HERC2: variants seen among roughly 807,000 people sequenced by gnomAD.
HERC2 encodes the protein E3 ubiquitin-protein ligase HERC2.
Under a neutral mutation model 537.7 loss-of-function variants are expected in HERC2, and 102 were observed. The observed-to-expected ratio is 0.19, with a 90% CI of 0.16 to 0.22. The LOEUF is 0.22. Ranked by LOEUF, HERC2 falls within the 10% of genes least tolerant of loss-of-function variation. HERC2 has a pLI of 1.00. For synonymous variants in HERC2, 2,224 were observed against 2,466.2 expected (o/e 0.90, Z 2.91); for missense variants, 4,236 against 6,198.2 (o/e 0.68, Z 10.63).
intron 44 of HERC2, among the ~76,000 whole-genome samples, chr15:28,209,183 C>A (rs181346369): frequency 6.6e-6 from 1 of 152,092 alleles, no homozygotes; most frequent in Non-Finnish European, 1.5e-5. Flanking sequence ...CATATTTCCA[C>A]GGCAATAAAC....
At chr15:28,166,325 T>C (rs1169946867) in intron 68 of HERC2, among the ~76,000 whole-genome samples, 2 of 151,946 alleles carry the variant, frequency 1.3e-5, no homozygotes, top group Non-Finnish European at 2.9e-5. Flanking sequence ...CAAAAAAATA[T>C]GGAAAAAGGG....
intron 48 of HERC2, 88 bp downstream of exon 48, chr15:28,201,368 T>C (rs1897887777): frequency 5.8e-6 from 5 of 860,806 alleles, no homozygotes; most frequent in Non-Finnish European, 9.9e-6. Flanking sequence ...CAGGGGCCTC[T>C]GTCCACTGAT....
At position 28,257,091 on chromosome 15, in the gene HERC2, G is replaced by A. The variant is rs768763663; in HGVS notation, c.2487C>T (p.Ala829=). ...WPPPQEKECV[A]VATLNLLRLQ... ...GTCGTAGAAGATTCAGCGTTGCCAC[G>A]GCCACACACTCTTTCTCCTGGGGCG... is the stretch of plus-strand genomic sequence containing the variant. The change falls in exon 17 of 93, where the codon GCC becomes GCT. Residue 829 remains alanine (A), a synonymous_variant. Coordinates refer to ENST00000261609, the MANE Select transcript of HERC2 (RefSeq NM_004667.6). 81 of 1,613,532 alleles carry A rather than the reference G, an allele frequency of 5.0e-5. No individual in the cohort carries two copies. The highest frequency in any genetic ancestry group is 4.9e-4 in the Middle Eastern group (3 of 6,076).
rs766617714 is a variant in HERC2, at chr15:28,117,130, C to T, written c.13297G>A (p.Gly4433Arg). Residue 4433 changes from glycine (G) to arginine (R), a missense_variant, in exon 87 of 93, where the codon GGG becomes AGG. This residue lies in a region of HERC2 where 29 missense variants were observed against 102.1 expected (regional missense o/e 0.28). Transcript: ENST00000261609. ...IQVKRSRSKG[G>R]LAGPDGTKSV... ...TTGGTGCCGTCGGGGCCGGCCAGCC[C>T]GCCTTTGCTCCTTGATCGTTTGACC... is the stretch of plus-strand genomic sequence containing the variant. 7 of 1,613,984 alleles carry T rather than the reference C, an allele frequency of 4.3e-6. No homozygotes were observed. The highest frequency in any genetic ancestry group is 5.9e-6 in the Non-Finnish European group (7 of 1,179,984).
chr15:28,188,230 G>A (rs561558423), intron 55 of HERC2, among the ~76,000 whole-genome samples: 26 of 152,278 alleles, frequency 1.7e-4, no homozygotes, highest in African/African-American at 6.3e-4. Context: ...GACACTGACT[G>A]AATATTATAT....
chr15:28,113,149 A>G lies in HERC2; in HGVS notation c.14154T>C (p.Leu4718=), dbSNP rs551730725. Residue 4718 remains leucine (L), a synonymous_variant, in exon 92 of 93, where the codon CTT becomes CTC. Transcript: ENST00000261609. This position sits in a 1 kb window ranked among gnomAD's most constrained non-coding sequence, Gnocchi z 7.0. Reference sequence around the variant, plus strand: ...TCCGGCCCCAGACGAAGCGAAGGAAAAGAGAGCGCTCTGTGTTGGAGAAGG... The same window carrying G: ...TCCGGCCCCAGACGAAGCGAAGGAAGAGAGAGCGCTCTGTGTTGGAGAAGG... ...MESFSNTERS[L]FLRFVWGRTR... is the part of the protein sequence containing the mutation. 5 of 1,614,046 alleles carry G rather than the reference A, an allele frequency of 3.1e-6. No individual in the cohort carries two copies. The South Asian group carries it at 5.5e-5, about 18-fold the overall frequency.
chr15:28,247,401 G>A (rs1596317651), intron 21 of HERC2, among the ~76,000 whole-genome samples: 1 of 133,162 alleles, frequency 7.5e-6, no homozygotes, highest in Non-Finnish European at 1.6e-5. Flanking sequence ...AAAATCTTCA[G>A]TTTTTCTGTC....
intron 88 of HERC2, 83 bp from the exon 89 acceptor site, chr15:28,115,624 C>CA: frequency 1.1e-6 from 1 of 906,068 alleles, no homozygotes; most frequent in Non-Finnish European, 1.8e-6. Flanking sequence ...CCACTGACAG[C>CA]AGCTCCACAC....
At chr15:28,151,648 C>T (rs771330626) in intron 70 of HERC2, among the ~76,000 whole-genome samples, 2 of 151,996 alleles carry the variant, frequency 1.3e-5, no homozygotes, top group Non-Finnish European at 2.9e-5. Flanking sequence ...AGAATCACTT[C>T]GGGAGCTACA....
chr15:28,288,297 G>A (rs2076214610), intron 4 of HERC2, among the ~76,000 whole-genome samples: 1 of 151,920 alleles, frequency 6.6e-6, no homozygotes, highest in Admixed American at 6.6e-5. Flanking sequence ...AGGCCGAGGT[G>A]GGTGGATCAC....
intron 52 of HERC2, among the ~76,000 whole-genome samples, chr15:28,195,882 T>A (rs944771672): frequency 6.6e-6 from 1 of 152,240 alleles, no homozygotes; most frequent in East Asian, 1.9e-4. Flanking sequence ...AAAAGGTATA[T>A]AAATTAAAAA....
intron 2 of HERC2, among the ~76,000 whole-genome samples, chr15:28,303,654 A>G (rs1197655659): frequency 1.3e-5 from 2 of 152,260 alleles, no homozygotes; most frequent in East Asian, 3.9e-4. Context: ...CAGACATTTT[A>G]ACAATATTGA....
Position 28,291,909 on chromosome 15 carries a change from GAAAAA to G in HERC2, c.322+974_322+978del, listed in dbSNP as rs67813649. Among the ~76,000 whole-genome samples the G allele has an allele frequency of 9.1e-3, 346 of 37,968 alleles. 10 individuals carry two copies. The Admixed American group carries it at 0.093, about 10-fold the overall frequency. 24.9% of individuals were successfully genotyped at this position (37,968 alleles called of 152,430 possible). A position where few individuals can be genotyped will look rare whatever the true frequency, so the allele number is the denominator to read the frequency against. ...GACAGAACAAGACTCCGTCTCAAAG[GAAAAA>G]AAAAAAAAAAAAAAAAAAAAAGAGG... On this transcript the variant is annotated intron_variant, in intron 4 of 92. Transcript: ENST00000261609.
rs770581173 is a variant in HERC2 at position 28,212,577 on chromosome 15, C to T, written c.6793G>A (p.Ala2265Thr). ...CPLNQLKPLP[A>T]VAFNVNNLPF... The stretch of plus-strand genomic sequence containing the variant: ...AGGTTGTTCACATTAAAGGCCACGG[C>T]AGGGAGCTGGAGAGGACACAGAAGC... The change falls in exon 43 of 93, where the codon GCC (alanine) becomes ACC (threonine). Residue 2265 changes from alanine to threonine, a missense_variant. By Grantham distance (58) the Ala-to-Thr change is moderately conservative. Coordinates refer to ENST00000261609, the MANE Select transcript of HERC2 (RefSeq NM_004667.6). 11 of 1,607,698 alleles carry T rather than the reference C, an allele frequency of 6.8e-6. No homozygotes were observed. The highest frequency in any genetic ancestry group is 9.3e-6 in the Non-Finnish European group (11 of 1,176,670).
chr15:28,290,603 T>C (rs1431629297), intron 4 of HERC2, among the ~76,000 whole-genome samples: 7 of 152,160 alleles, frequency 4.6e-5, no homozygotes, highest in East Asian at 3.9e-4. Context: ...AGCCTCAACA[T>C]TGAAATCACA....
At chr15:28,231,870 A>C (rs867585705) in intron 30 of HERC2, among the ~76,000 whole-genome samples, 3 of 152,216 alleles carry the variant, frequency 2.0e-5, no homozygotes, top group Non-Finnish European at 1.5e-5. Context: ...GCTTGAAACA[A>C]CACACAATAA....
Position 28,257,141 on chromosome 15 carries a change from T to A in HERC2, c.2437A>T (p.Met813Leu), listed in dbSNP as rs758422973. ...DLLLRQVSEG[M>L]DGSADWPPPQ... ...GGGGGCCAGTCCGCGGAACCATCCA[T>A]CCCCTCACTCACCTGCCGAAGCAGG... Residue 813 changes from methionine to leucine, a missense_variant, in exon 17 of 93, where the codon ATG (methionine) becomes TTG (leucine). Coordinates refer to ENST00000261609, the MANE Select transcript of HERC2 (RefSeq NM_004667.6). 10 of 1,613,698 alleles carry A rather than the reference T, an allele frequency of 6.2e-6. No homozygotes were observed. Among genetic ancestry groups the A allele is most frequent in the Non-Finnish European group, 8.5e-6 (10 of 1,179,732 alleles).
chr15:28,266,489 T>C (rs996859350), intron 12 of HERC2, among the ~76,000 whole-genome samples: 7 of 152,000 alleles, frequency 4.6e-5, no homozygotes, highest in Non-Finnish European at 8.8e-5. Flanking sequence ...CACTCCACCT[T>C]GGGTAACAAG....
At chr15:28,226,950 A>C in intron 35 of HERC2, among the ~76,000 whole-genome samples, 1 of 152,198 alleles carries the variant, frequency 6.6e-6, no homozygotes, top group South Asian at 2.1e-4. Context: ...ATTTATTGGT[A>C]CAACAACAAG....
Sources: gnomAD v4.1 joint callset for allele counts (sites outside exome capture counted in the v4.1 genomes callset) on GRCh38, gnomAD v4.1.1 for gene constraint, gnomAD v4.1.1 regional missense constraint, Gnocchi (gnomAD v3.1) non-coding constraint, MANE v1.5 for transcripts, NCBI Gene and HGNC (gene_info 2026-07-23, HGNC 2026-07-21) for gene names.